Variants in DNAH8 observed in about 807,000 individuals in gnomAD.
DNAH8 encodes the protein dynein axonemal heavy chain 8, also known as axonemal beta dynein heavy chain 8.
A neutral mutation model predicts 562.1 loss-of-function variants in DNAH8; 382 were observed. The observed-to-expected ratio is 0.68, with a 90% CI of 0.63 to 0.74. DNAH8 has a LOEUF of 0.74. Among genes scored for constraint, DNAH8 ranks in the 30% least tolerant of loss-of-function variants. DNAH8 has a pLI of 0.00. For synonymous variants in DNAH8, 1,881 were observed against 1,919.4 expected, an observed-to-expected ratio of 0.98 and a Z score of 0.52; for missense variants, 5,203 against 5,620.4, an observed-to-expected ratio of 0.93 and a Z score of 2.37.
At chr6:38,933,254 C>G (rs1031896606) in intron 76 of DNAH8, among the ~76,000 whole-genome samples, 2 of 152,116 alleles carry the variant, frequency 1.3e-5, no homozygotes, top group African/African-American at 4.8e-5. Flanking sequence ...CCAGGGCTCC[C>G]CACACCCACT....
At position 38,775,852 on chromosome 6, in the gene DNAH8, C is replaced by T; in HGVS notation, c.1863C>T (p.Tyr621=). 1.9e-6 allele frequency: 3 copies of T among 1,607,632 alleles called. No individual in the cohort carries two copies. Among genetic ancestry groups the T allele is most frequent in the Non-Finnish European group, 2.6e-6 (3 of 1,174,544 alleles). Residue 621 remains tyrosine, a synonymous_variant, in exon 13 of 93, where the codon TAC becomes TAT. Transcript: ENST00000327475. ...TGGCAATAAAATTCAGAAATATATA[C>T]CAAGGGGTTAAGAAAAAGCAATATG... ...DIMAIKFRNI[Y]QGVKKKQYDI...
chr6:38,955,953 G>T (rs903584433), intron 82 of DNAH8, among the ~76,000 whole-genome samples: 1 of 152,232 alleles, frequency 6.6e-6, no homozygotes, highest in Admixed American at 6.5e-5. Context: ...AAGGAGTTTG[G>T]CTATAGCCCT....
At chr6:38,745,520 C>T (rs2654446) in intron 8 of DNAH8, among the ~76,000 whole-genome samples, 7,978 of 152,268 alleles carry the variant, frequency 0.052, 661 homozygotes, top group African/African-American at 0.18. Flanking sequence ...CTTCATCTAG[C>T]TTCCCCTAAT....
At chr6:38,997,604 A>C (rs1467214752) in intron 88 of DNAH8, among the ~76,000 whole-genome samples, 2 of 152,128 alleles carry the variant, frequency 1.3e-5, no homozygotes, top group African/African-American at 4.8e-5. Context: ...AAAGATTTGA[A>C]TGCATGTGTG....
At chr6:38,914,392 C>CTTTTTTTTTT (rs66765653) in intron 67 of DNAH8, among the ~76,000 whole-genome samples, 2 of 63,986 alleles carry the variant, frequency 3.1e-5, no homozygotes, top group Non-Finnish European at 5.3e-5. Context: ...TGCTTTTTCT[C>CTTTTTTTTTT]TTTTTTTTTT....
chr6:38,934,179 C>A (rs1782769100), intron 76 of DNAH8, among the ~76,000 whole-genome samples: 1 of 151,770 alleles, frequency 6.6e-6, no homozygotes, highest in South Asian at 2.1e-4. Context: ...ACGGTGAAAC[C>A]CCGTCTCTAC....
chr6:38,917,328 A>G lies in DNAH8; in HGVS notation c.10230A>G (p.Leu3410=), dbSNP rs563663108. Reference sequence around the variant, plus strand: ...GAATCATGGACTGTGTTCTGTTACTATTTCAAAAGAAAATTGACCCTGTTA... The same window carrying G: ...GAATCATGGACTGTGTTCTGTTACTGTTTCAAAAGAAAATTGACCCTGTTA... The part of the protein sequence containing the change: ...IMRIMDCVLL[L]FQKKIDPVTM... The change falls in exon 69 of 93, where the codon CTA becomes CTG. Residue 3410 remains leucine, a synonymous_variant. Coordinates refer to ENST00000327475, the MANE Select transcript of DNAH8 (RefSeq NM_001206927.2). 2 of 1,613,734 alleles carry G rather than the reference A, an allele frequency of 1.2e-6. No individual in the cohort carries two copies. Among genetic ancestry groups the G allele is most frequent in the East Asian group, 2.2e-5 (1 of 44,852 alleles).
At chr6:38,923,936 CAACTT>C in intron 72 of DNAH8, 50 bp from the exon 73 acceptor site, 4 of 1,587,622 alleles carry the variant, frequency 2.5e-6, no homozygotes, top group Non-Finnish European at 3.4e-6. Flanking sequence ...ACCTCTCAAA[CAACTT>C]AATGTCAGGT....
At chr6:38,971,471 GA>G (rs1399037799) in intron 82 of DNAH8, 120 bp from the exon 83 acceptor site, 7 of 490,170 alleles carry the variant, frequency 1.4e-5, no homozygotes, top group East Asian at 1.4e-4. Flanking sequence ...GAACAGCAAA[GA>G]TTTTTTTTTT....
In DNAH8 at chr6:38,914,670, A is replaced by G. The variant is rs111791247; in HGVS notation, c.9964-531A>G. ...CGGCCTATGTGCTGCTTTTTTATCTATTATACAGCCTTCTAGTCTCAGACT... is the reference window on the plus strand; with the variant it reads ...CGGCCTATGTGCTGCTTTTTTATCTGTTATACAGCCTTCTAGTCTCAGACT... On this transcript the variant is annotated intron_variant, in intron 67 of 92. Transcript: ENST00000327475. 5.3e-5 allele frequency among the ~76,000 whole-genome samples: 8 copies of G among 151,976 alleles called. No individual in the cohort carries two copies. The East Asian group carries it at 7.8e-4, about 15-fold the overall frequency.
intron 28 of DNAH8, among the ~76,000 whole-genome samples, chr6:38,824,443 T>C (rs1000627403): frequency 3.3e-5 from 5 of 152,166 alleles, no homozygotes; most frequent in Admixed American, 1.3e-4. Context: ...GTTGTACACA[T>C]ATGAGAACTG....
chr6:38,821,560 A>G (rs1318505779), intron 26 of DNAH8, among the ~76,000 whole-genome samples: 7 of 152,152 alleles, frequency 4.6e-5, no homozygotes, highest in African/African-American at 1.7e-4. Flanking sequence ...AGAACTTACC[A>G]CTACTTGGTT....
chr6:38,872,505 A>G (rs1777544621), intron 49 of DNAH8, 31 bp from the exon 50 acceptor site: 2 of 1,600,254 alleles, frequency 1.2e-6, no homozygotes, highest in African/African-American at 2.7e-5. Flanking sequence ...CTCATAAATT[A>G]CATATTTTAA....
At chr6:38,731,443 CT>C (rs1469081071) in intron 4 of DNAH8, among the ~76,000 whole-genome samples, 1 of 152,132 alleles carries the variant, frequency 6.6e-6, no homozygotes, top group African/African-American at 2.4e-5. Flanking sequence ...ATGTTAACAT[CT>C]GCATTTTATT....
rs527444772 is a variant in DNAH8, at chr6:38,937,057, A to G, written c.11564-917A>G. The stretch of plus-strand genomic sequence containing the variant: ...GGATGAGTTCATGTCCTTTGCAGGG[A>G]CATGGATGAAACTGGAAACCATCAT... On this transcript the variant is annotated intron_variant, in intron 77 of 92. Transcript: ENST00000327475. Among the ~76,000 whole-genome samples the G allele has an allele frequency of 2.0e-5, 3 of 152,320 alleles. 1 individual carries two copies. The highest frequency in any genetic ancestry group is 7.2e-5 in the African/African-American group (3 of 41,556).
In DNAH8 at chr6:38,994,301, A is replaced by G. The variant is rs186842113; in HGVS notation, c.13214+4129A>G. Among the ~76,000 whole-genome samples the G allele has an allele frequency of 2.8e-3, 424 of 152,286 alleles. 1 individual carries two copies. Among genetic ancestry groups the G allele is most frequent in the Non-Finnish European group, 4.5e-3 (308 of 68,024 alleles). On this transcript the variant is annotated intron_variant, in intron 88 of 92. Coordinates refer to ENST00000327475, the MANE Select transcript of DNAH8 (RefSeq NM_001206927.2). ...ACCCTTTGTTTGTGATGTGGATTGC[A>G]AATATTTTTCTCAGCTTATTTAGCG...
Position 38,974,157 on chromosome 6 carries a change from G to A in DNAH8, c.12679-217G>A, listed in dbSNP as rs564185290. Among the ~76,000 whole-genome samples, 14 of 152,228 alleles carry A rather than the reference G, an allele frequency of 9.2e-5. No individual in the cohort carries two copies. The South Asian group carries it at 1.2e-3, about 14-fold the overall frequency. On this transcript the variant is annotated intron_variant, in intron 84 of 92. Coordinates refer to ENST00000327475, the MANE Select transcript of DNAH8 (RefSeq NM_001206927.2). ...ATCCTAAATCTGAAAATCGAAACCC[G>A]AAATGCTCCAAAATCTGAAACATTC...
intron 33 of DNAH8, among the ~76,000 whole-genome samples, chr6:38,839,470 CA>C (rs1774590419): frequency 6.6e-6 from 1 of 151,684 alleles, no homozygotes; most frequent in African/African-American, 2.4e-5. Context: ...CCTCCTGCCT[CA>C]GCCTCCCAGG....
chr6:38,771,707 C>A (rs897256702), intron 12 of DNAH8, among the ~76,000 whole-genome samples: 2 of 152,164 alleles, frequency 1.3e-5, no homozygotes, highest in Non-Finnish European at 2.9e-5. Context: ...CTATATTATA[C>A]CATTTTTCAG....
Sources: allele counts gnomAD v4.1 joint callset (sites outside exome capture counted in the v4.1 genomes callset), GRCh38; gene constraint gnomAD v4.1.1; transcripts MANE v1.5; gene names NCBI Gene and HGNC (gene_info 2026-07-23, HGNC 2026-07-21).